UPP2: variants seen among roughly 807,000 people sequenced by gnomAD.
UPP2 encodes uridine phosphorylase 2.
UPP2 carries 23 observed loss-of-function variants against 26.7 expected under a neutral mutation model. The observed-to-expected ratio is 0.86, with a 90% confidence interval of 0.62 to 1.22. UPP2 has a LOEUF of 1.22. UPP2 is among the 50% of genes most tolerant of loss of function. The probability of loss-of-function intolerance (pLI) is 0.00; values close to 1 mark genes in which losing one functional copy is unlikely to be tolerated. For synonymous variants in UPP2, 127 were observed against 141.3 expected (o/e 0.90, Z 0.72); for missense variants, 387 against 396.7 (o/e 0.98, Z 0.21).
chr2:158,023,923 C>T (rs1683795056), intron 3 of UPP2, among the ~76,000 whole-genome samples: 1 of 152,120 alleles, frequency 6.6e-6, no homozygotes, highest in African/African-American at 2.4e-5. Flanking sequence ...GCTCTGGATC[C>T]CCTCCCTCCC....
rs1479986926 is a variant in UPP2, at chr2:158,135,843, C to T, written c.*953C>T. The T allele has an allele frequency of 1.3e-5, 2 of 152,376 alleles. No individual in the cohort carries two copies. The highest frequency in any genetic ancestry group is 4.8e-5 in the African/African-American group (2 of 41,430). 9.4% of individuals were successfully genotyped at this position (152,376 alleles called of 1,614,324 possible). Reference sequence around the variant, plus strand: ...CTTGGGTTCTTCTCAATTTGACATACTTGGGAGTCGGAATGACTGGATGGG... The same window carrying T: ...CTTGGGTTCTTCTCAATTTGACATATTTGGGAGTCGGAATGACTGGATGGG... On this transcript the variant is annotated 3_prime_UTR_variant, in exon 7 of 7. Coordinates refer to ENST00000005756, the MANE Select transcript of UPP2 (RefSeq NM_173355.4).
At chr2:157,997,834 A>T (rs1242291504) in intron 2 of UPP2, among the ~76,000 whole-genome samples, 7 of 152,180 alleles carry the variant, frequency 4.6e-5, no homozygotes. Flanking sequence ...CTTAAGATGC[A>T]CTACAATCAC....
At chr2:158,000,172 T>C (rs1368692385) in intron 2 of UPP2, among the ~76,000 whole-genome samples, 4 of 151,956 alleles carry the variant, frequency 2.6e-5, no homozygotes, top group African/African-American at 9.7e-5. Context: ...CAAGTGATTC[T>C]CCTGGGTTCA....
At chr2:158,081,680 T>A (rs905993693) in intron 3 of UPP2, among the ~76,000 whole-genome samples, 2 of 152,114 alleles carry the variant, frequency 1.3e-5, no homozygotes, top group African/African-American at 2.4e-5. Flanking sequence ...TGGATGGAAC[T>A]GGAGCACATT....
chr2:158,100,865 A>G (rs925164437), upstream of UPP2, among the ~76,000 whole-genome samples: 1 of 152,126 alleles, frequency 6.6e-6, no homozygotes, highest in Non-Finnish European at 1.5e-5. Context: ...CCTATTCTGT[A>G]AACTTTGCTG....
intron 6 of UPP2, among the ~76,000 whole-genome samples, chr2:158,129,360 T>C (rs769284780): frequency 7.2e-5 from 11 of 152,122 alleles, no homozygotes; most frequent in Non-Finnish European, 1.3e-4. Flanking sequence ...AGATTACATC[T>C]GGACCTCCTG....
intron 3 of UPP2, among the ~76,000 whole-genome samples, chr2:158,038,858 G>A (rs1407509711): frequency 6.6e-6 from 1 of 152,126 alleles, no homozygotes; most frequent in African/African-American, 2.4e-5. Flanking sequence ...CAGAGACCAG[G>A]TCACCAAAGC....
At chr2:158,095,168 C>T (rs908827919) in intron 3 of UPP2, among the ~76,000 whole-genome samples, 1 of 152,084 alleles carries the variant, frequency 6.6e-6, no homozygotes. Context: ...AAGTGATGAG[C>T]CTGAGATGAG....
intron 2 of UPP2, 98 bp downstream of exon 2, chr2:158,106,314 A>C: frequency 1.0e-6 from 1 of 962,456 alleles, no homozygotes; most frequent in Non-Finnish European, 1.6e-6. Flanking sequence ...TGGCTAGCAC[A>C]GTCCCAATAG....
chr2:158,059,190 T>C (rs775341314), intron 3 of UPP2, among the ~76,000 whole-genome samples: 2 of 152,200 alleles, frequency 1.3e-5, no homozygotes, highest in African/African-American at 2.4e-5. Flanking sequence ...TCTGAGATCA[T>C]AGATATCTTC....
intron 2 of UPP2, among the ~76,000 whole-genome samples, chr2:158,112,677 T>C (rs1200638173): frequency 6.6e-6 from 1 of 152,218 alleles, no homozygotes; most frequent in African/African-American, 2.4e-5. Context: ...CACTAACTGG[T>C]ATCCTCTAAT....
chr2:158,052,154 C>G lies in UPP2; in HGVS notation c.147+36268C>G, dbSNP rs1682169808. Among the ~76,000 whole-genome samples the G allele has an allele frequency of 2.0e-5, 3 of 152,206 alleles. No homozygotes were observed. The South Asian group carries it at 6.2e-4, about 32-fold the overall frequency. On this transcript the variant is annotated intron_variant, in intron 3 of 9. Transcript: ENST00000605860. ...AAAAATTTGTTGTTTATCTGACAGT[C>G]AAATTCAACTGGTGTCCTGTATTTT...
chr2:158,131,393 G>T (rs183242040), intron 6 of UPP2, among the ~76,000 whole-genome samples: 1 of 152,124 alleles, frequency 6.6e-6, no homozygotes, highest in South Asian at 2.1e-4. Context: ...GTCCATAGGG[G>T]TGCGTGGATT....
rs576551852 is a variant in UPP2, at chr2:158,106,539, G to A, written c.180+323G>A. 7.8e-4 allele frequency among the ~76,000 whole-genome samples: 119 copies of A among 152,076 alleles called. 2 individuals carry two copies. The highest frequency in any genetic ancestry group is 2.6e-3 in the African/African-American group (108 of 41,498). On this transcript the variant is annotated intron_variant, in intron 2 of 6. Coordinates refer to ENST00000005756, the MANE Select transcript of UPP2 (RefSeq NM_173355.4). ...TTTAACAGATTCAGCTCACTATTTA[G>A]CATCTACATTTATAGCTTAATCTCA...
Position 158,106,117 on chromosome 2 carries a change from TA to T in UPP2, c.86del (p.Asn29IlefsTer6). Reference sequence around the variant, plus strand: ...TTTCCAGAAAAAGGTTTGTTCACGTTAAAAATCCTTACTTGGATTTGATGGA... The same window carrying T: ...TTTCCAGAAAAAGGTTTGTTCACGTTAAAATCCTTACTTGGATTTGATGGA... The part of the protein sequence containing the change: ...TYVGKRFVHV[K>X]NPYLDLMDED... On this transcript the variant is annotated frameshift_variant, in exon 2 of 7. Coordinates refer to ENST00000005756, the MANE Select transcript of UPP2 (RefSeq NM_173355.4). LOFTEE classifies it high-confidence loss of function. The T allele has an allele frequency of 6.3e-7, 1 of 1,599,426 alleles. No homozygotes were observed. The highest frequency in any genetic ancestry group is 8.5e-7 in the Non-Finnish European group (1 of 1,175,678).
intron 6 of UPP2, among the ~76,000 whole-genome samples, chr2:158,130,507 T>C (rs1359528393): frequency 2.0e-5 from 3 of 151,504 alleles, no homozygotes; most frequent in Non-Finnish European, 4.4e-5. Context: ...CATTAGCTAG[T>C]AAAAACATTT....
In UPP2 at chr2:158,101,967, A is replaced by T. The variant is rs1683084276; in HGVS notation, c.-97A>T. 2 of 1,516,930 alleles carry T rather than the reference A, an allele frequency of 1.3e-6. No individual in the cohort carries two copies. The highest frequency in any genetic ancestry group is 1.8e-6 in the Non-Finnish European group (2 of 1,134,664). 94.0% of individuals were successfully genotyped at this position (1,516,930 alleles called of 1,614,324 possible). ...AGAGAGGTTATCATTCTGACTGGGA[A>T]CTGAACTATTATGACTAGGTCTATA... On this transcript the variant is annotated 5_prime_UTR_variant, in exon 1 of 7. Coordinates refer to ENST00000005756, the MANE Select transcript of UPP2 (RefSeq NM_173355.4).
intron 3 of UPP2, among the ~76,000 whole-genome samples, chr2:158,046,251 A>T (rs558542125): frequency 6.6e-6 from 1 of 152,310 alleles, no homozygotes; most frequent in Non-Finnish European, 1.5e-5. Context: ...AGTTTAAATA[A>T]ATGTATAACC....
At chr2:158,122,479 C>A (rs1683590859) in intron 5 of UPP2, among the ~76,000 whole-genome samples, 1 of 151,900 alleles carries the variant, frequency 6.6e-6, no homozygotes, top group African/African-American at 2.4e-5. Context: ...TGTTGGGGTC[C>A]AATAGGGTTG....
Sources: allele counts gnomAD v4.1 joint callset (sites outside exome capture counted in the v4.1 genomes callset), GRCh38; gene constraint gnomAD v4.1.1; transcripts MANE v1.5; gene names NCBI Gene and HGNC (gene_info 2026-07-23, HGNC 2026-07-21).